Variants in HYCC1 observed in about 807,000 individuals in gnomAD.
The protein encoded by HYCC1 is hyccin PI4KA lipid kinase complex subunit 1.
chr7:22,905,508 T>A, the HYCC1 span, among the ~76,000 whole-genome samples: 1 of 150,844 alleles, frequency 6.6e-6, no homozygotes. Flanking sequence ...GTGTTGAGAT[T>A]ACAGGCATGA....
the HYCC1 span, among the ~76,000 whole-genome samples, chr7:22,897,673 T>C: frequency 6.6e-6 from 1 of 152,160 alleles, no homozygotes; most frequent in African/African-American, 2.4e-5. Flanking sequence ...TTGCCCAGGG[T>C]GGAGTGCAGT....
the HYCC1 span, among the ~76,000 whole-genome samples, chr7:22,956,165 T>C: frequency 1.3e-5 from 2 of 151,822 alleles, no homozygotes; most frequent in Admixed American, 6.6e-5. Context: ...TTATGACTTC[T>C]AGACAGCCCT....
chr7:22,964,234 GA>G, the HYCC1 span, among the ~76,000 whole-genome samples: 2 of 152,110 alleles, frequency 1.3e-5, no homozygotes, highest in East Asian at 3.9e-4. Flanking sequence ...AACTTTAAAA[GA>G]TATGTTTTAA....
At chr7:22,954,322 A>T in the HYCC1 span, among the ~76,000 whole-genome samples, 3,991 of 151,184 alleles carry the variant, frequency 0.026, 159 homozygotes, top group African/African-American at 0.091. Context: ...TATCAATGTT[A>T]TTATACAGCA....
At chr7:23,007,398 T>C in the HYCC1 span, among the ~76,000 whole-genome samples, 1 of 152,140 alleles carries the variant, frequency 6.6e-6, no homozygotes, top group South Asian at 2.1e-4. Context: ...ATCTGTAGAA[T>C]AGAAATAATA....
chr7:22,970,028 T>A, the HYCC1 span, among the ~76,000 whole-genome samples: 14 of 144,196 alleles, frequency 9.7e-5, 1 homozygote, highest in African/African-American at 3.5e-4. Flanking sequence ...TAAAAAAAAA[T>A]TTGCATGGCT....
At chr7:22,989,285 A>AAT in the HYCC1 span, among the ~76,000 whole-genome samples, 57 of 148,692 alleles carry the variant, frequency 3.8e-4, no homozygotes, top group Non-Finnish European at 7.7e-4. Context: ...ACAAGCAGGA[A>AAT]ACACACACAC....
the HYCC1 span, among the ~76,000 whole-genome samples, chr7:22,903,411 A>C: frequency 6.6e-6 from 1 of 152,230 alleles, no homozygotes; most frequent in Non-Finnish European, 1.5e-5. Flanking sequence ...CCAATATTAA[A>C]AGGATTGTGA....
chr7:22,955,337 C>CTTAA, the HYCC1 span, among the ~76,000 whole-genome samples: 59,653 of 150,892 alleles, frequency 0.4, 11,750 homozygotes, highest in East Asian at 0.5. Flanking sequence ...CAAAACTGTT[C>CTTAA]TTAATTAATA....
the HYCC1 span, chr7:22,964,332 T>C: frequency 2.4e-6 from 2 of 823,624 alleles, no homozygotes; most frequent in Non-Finnish European, 4.3e-6. Flanking sequence ...TCTATTGACA[T>C]TATAATATAG....
the HYCC1 span, chr7:22,961,304 A>G: frequency 6.3e-7 from 1 of 1,591,580 alleles, no homozygotes; most frequent in Admixed American, 1.7e-5. Flanking sequence ...TTTGAGCTAG[A>G]TCCCATTCTC....
chr7:22,932,319 G>T, the HYCC1 span, among the ~76,000 whole-genome samples: 1 of 152,142 alleles, frequency 6.6e-6, no homozygotes, highest in Non-Finnish European at 1.5e-5. Context: ...TGGCTCCAAG[G>T]ACTGAGCCAT....
chr7:22,928,922 G>A, the HYCC1 span, among the ~76,000 whole-genome samples: 27 of 152,130 alleles, frequency 1.8e-4, no homozygotes, highest in East Asian at 9.7e-4. Flanking sequence ...GAGGCATCAT[G>A]CTACCTGACT....
the HYCC1 span, among the ~76,000 whole-genome samples, chr7:22,925,511 C>G: frequency 6.6e-6 from 1 of 152,088 alleles, no homozygotes; most frequent in African/African-American, 2.4e-5. Context: ...CTGAAAACCA[C>G]GGCACGAGAA....
chr7:22,923,995 GAAAA>G, the HYCC1 span, among the ~76,000 whole-genome samples: 16 of 114,534 alleles, frequency 1.4e-4, no homozygotes, highest in African/African-American at 5.2e-4. Context: ...TGACTTTAAT[GAAAA>G]AAAAAAAAAA....
chr7:22,983,716 A>G, the HYCC1 span: 1 of 502,070 alleles, frequency 2.0e-6, no homozygotes, highest in Non-Finnish European at 3.6e-6. Flanking sequence ...TAGACTTTTC[A>G]AAGCTACCTC....
chr7:22,898,449 T>C, the HYCC1 span, among the ~76,000 whole-genome samples: 1 of 151,930 alleles, frequency 6.6e-6, no homozygotes. Context: ...CCTGATCTCA[T>C]GATCTGCCTG....
At chr7:22,921,701 C>T in the HYCC1 span, among the ~76,000 whole-genome samples, 1 of 152,106 alleles carries the variant, frequency 6.6e-6, no homozygotes, top group Non-Finnish European at 1.5e-5. Context: ...ATAATAGCAA[C>T]ATAAATTCAT....
the HYCC1 span, among the ~76,000 whole-genome samples, chr7:22,921,682 T>C: frequency 6.6e-6 from 1 of 152,198 alleles, no homozygotes; most frequent in Non-Finnish European, 1.5e-5. Context: ...GTGAGGATTA[T>C]GGGTAAAAAT....
Sources: allele counts gnomAD v4.1 joint callset (sites outside exome capture counted in the v4.1 genomes callset), GRCh38; gene constraint gnomAD v4.1.1; transcripts MANE v1.5; gene names NCBI Gene and HGNC (gene_info 2026-07-23, HGNC 2026-07-21).